CNTN4: variants seen among roughly 807,000 people sequenced by gnomAD.
CNTN4 encodes the protein contactin 4, also known as contactin-4.
Under a neutral mutation model 122.5 loss-of-function variants are expected in CNTN4, and 77 were observed. The ratio of observed to expected loss-of-function variants is 0.63; its 90% CI spans 0.52 to 0.76. The LOEUF is 0.76. Among genes scored for constraint, CNTN4 ranks in the 30% least tolerant of loss-of-function variants. The probability of loss-of-function intolerance (pLI) is 0.00; values close to 1 mark genes in which losing one functional copy is unlikely to be tolerated. For synonymous variants in CNTN4, 512 were observed against 447.0 expected, an observed-to-expected ratio of 1.15 and a Z score of -1.83; for missense variants, 1,256 against 1,259.1, an observed-to-expected ratio of 1.00 and a Z score of 0.04.
At chr3:2,384,214 G>C (rs17013553) in intron 3 of CNTN4, among the ~76,000 whole-genome samples, 3,527 of 152,166 alleles carry the variant, frequency 0.023, 136 homozygotes, top group African/African-American at 0.081. Flanking sequence ...TCATTAATAT[G>C]TTGTTGTACA....
intron 7 of CNTN4, among the ~76,000 whole-genome samples, chr3:2,855,049 G>C (rs2093603884): frequency 6.6e-6 from 1 of 152,186 alleles, no homozygotes; most frequent in Admixed American, 6.5e-5. Context: ...GTACAATACT[G>C]ATATTTCAGG....
chr3:2,782,435 A>C (rs1359437036), intron 6 of CNTN4, among the ~76,000 whole-genome samples: 1 of 151,236 alleles, frequency 6.6e-6, no homozygotes, highest in East Asian at 1.9e-4. Context: ...AATGTAATAC[A>C]TACCCATAAC....
intron 13 of CNTN4, among the ~76,000 whole-genome samples, chr3:2,948,361 A>G (rs533365922): frequency 4.3e-4 from 66 of 152,320 alleles, no homozygotes; most frequent in Non-Finnish European, 6.0e-4. Context: ...AGTGGAACAA[A>G]TAAAATAGTA....
intron 3 of CNTN4, among the ~76,000 whole-genome samples, chr3:2,515,313 G>A (rs1575818943): frequency 6.6e-6 from 1 of 152,024 alleles, no homozygotes; most frequent in East Asian, 1.9e-4. Context: ...GATGATTAAG[G>A]TGAAGGATTT....
chr3:2,157,475 A>G (rs9873176), intron 2 of CNTN4, among the ~76,000 whole-genome samples: 3,801 of 152,314 alleles, frequency 0.025, 143 homozygotes, highest in African/African-American at 0.087. Context: ...CCTGGAGTCA[A>G]TGGAGACTTA....
At chr3:2,618,763 T>C (rs2081878484) in intron 4 of CNTN4, among the ~76,000 whole-genome samples, 1 of 152,210 alleles carries the variant, frequency 6.6e-6, no homozygotes, top group South Asian at 2.1e-4. Context: ...TAGTGAAACC[T>C]ACAATGTTTC....
intron 13 of CNTN4, among the ~76,000 whole-genome samples, chr3:2,962,922 AG>A (rs2125020151): frequency 6.6e-6 from 1 of 152,132 alleles, no homozygotes; most frequent in South Asian, 2.1e-4. Flanking sequence ...CTGCCCTCTT[AG>A]TTGGTGTTAA....
At chr3:3,001,118 A>T (rs564434619) in intron 14 of CNTN4, among the ~76,000 whole-genome samples, 6 of 152,306 alleles carry the variant, frequency 3.9e-5, no homozygotes, top group African/African-American at 1.2e-4. Context: ...AAGTTGAGGC[A>T]GTTGGGCAGA....
chr3:2,412,771 G>A (rs183786828), intron 3 of CNTN4, among the ~76,000 whole-genome samples: 104 of 152,080 alleles, frequency 6.8e-4, no homozygotes, highest in African/African-American at 2.2e-3. Flanking sequence ...AGGTAGAATC[G>A]TATAGTAGTT....
rs187827284 is a variant in CNTN4 at position 2,756,516 on chromosome 3, G to A, written c.358+10819G>A. Among the ~76,000 whole-genome samples the A allele has an allele frequency of 8.4e-4, 128 of 152,276 alleles. 1 individual carries two copies. Among genetic ancestry groups the A allele is most frequent in the African/African-American group, 2.9e-3 (122 of 41,562 alleles). ...TCTGTTAAGTTTCCCAGTCTATTGTGTTATAGCAGCCCTAACAGACTAAAA... is the reference window on the plus strand; with the variant it reads ...TCTGTTAAGTTTCCCAGTCTATTGTATTATAGCAGCCCTAACAGACTAAAA... On this transcript the variant is annotated intron_variant, in intron 6 of 24. Transcript: ENST00000418658.
intron 4 of CNTN4, among the ~76,000 whole-genome samples, chr3:2,624,049 C>A (rs1220479924): frequency 6.6e-6 from 1 of 152,170 alleles, no homozygotes; most frequent in Non-Finnish European, 1.5e-5. Context: ...TCATATATAT[C>A]TCAAAATATT....
chr3:2,292,656 T>C (rs932207978), intron 2 of CNTN4, among the ~76,000 whole-genome samples: 16 of 152,246 alleles, frequency 1.1e-4, no homozygotes, highest in African/African-American at 3.9e-4. Context: ...GAATTTCTTA[T>C]AAATAGAAGC....
intron 4 of CNTN4, among the ~76,000 whole-genome samples, chr3:2,629,963 C>G (rs1278154987): frequency 6.6e-6 from 1 of 152,210 alleles, no homozygotes; most frequent in Non-Finnish European, 1.5e-5. Flanking sequence ...GTTATCATTT[C>G]TCTTTACCTG....
At chr3:2,929,508 A>T (rs1259043906) in intron 13 of CNTN4, among the ~76,000 whole-genome samples, 4 of 152,200 alleles carry the variant, frequency 2.6e-5, no homozygotes, top group Admixed American at 2.6e-4. Flanking sequence ...AACCCAACTC[A>T]AAAGGACAAA....
intron 3 of CNTN4, among the ~76,000 whole-genome samples, chr3:2,509,520 A>T (rs2076824981): frequency 6.6e-6 from 1 of 152,216 alleles, no homozygotes; most frequent in African/African-American, 2.4e-5. Flanking sequence ...ATTACCATTA[A>T]CTATTGGTAA....
At chr3:3,050,790 C>T (rs1443891271) in intron 23 of CNTN4, among the ~76,000 whole-genome samples, 1 of 108,824 alleles carries the variant, frequency 9.2e-6, no homozygotes, top group East Asian at 3.0e-4. Context: ...AAAATCCAGG[C>T]TCTGGAGCCA....
chr3:2,684,890 A>C (rs1265084924), intron 4 of CNTN4, among the ~76,000 whole-genome samples: 1 of 152,222 alleles, frequency 6.6e-6, no homozygotes, highest in Admixed American at 6.5e-5. Flanking sequence ...AGGGGGAGAC[A>C]AAGAAGAGAA....
intron 4 of CNTN4, among the ~76,000 whole-genome samples, chr3:2,714,208 C>A (rs1378730143): frequency 6.6e-6 from 1 of 151,962 alleles, no homozygotes; most frequent in Non-Finnish European, 1.5e-5. Context: ...TTAAAAAAAT[C>A]AGTATTATTA....
chr3:2,316,350 A>T (rs1523316), intron 2 of CNTN4, among the ~76,000 whole-genome samples: 47,190 of 151,790 alleles, frequency 0.31, 7,937 homozygotes, highest in East Asian at 0.67. Context: ...CCCCCCACTG[A>T]TCTATTGTAC....
Sources: gnomAD v4.1 joint callset for allele counts (sites outside exome capture counted in the v4.1 genomes callset) on GRCh38, gnomAD v4.1.1 for gene constraint, MANE v1.5 for transcripts, NCBI Gene and HGNC (gene_info 2026-07-23, HGNC 2026-07-21) for gene names.